CSMD1: variants seen among roughly 807,000 people sequenced by gnomAD.
CSMD1 encodes CUB and Sushi multiple domains 1, also known as CUB and sushi domain-containing protein 1.
In CSMD1, 213 loss-of-function variants were observed where a neutral mutation model predicts 417.5. The observed-to-expected ratio is 0.51, with a 90% confidence interval of 0.46 to 0.57. The LOEUF (loss-of-function observed/expected upper bound fraction) is 0.57. Ranked by LOEUF, CSMD1 falls within the 20% of genes least tolerant of loss-of-function variation. The pLI, the probability that CSMD1 is intolerant of heterozygous loss-of-function variation, is 0.00. For missense variants in CSMD1, 6,923 were observed against 4,529.7 expected (o/e 1.53, Z -15.17); for synonymous variants, 2,862 against 1,736.8 (o/e 1.65, Z -16.11).
At chr8:4,852,386 C>G (rs1209084891) in intron 1 of CSMD1, among the ~76,000 whole-genome samples, 2 of 151,658 alleles carry the variant, frequency 1.3e-5, no homozygotes, top group Non-Finnish European at 2.9e-5. Context: ...GGCTCCTCTC[C>G]TCTCTCTCTC....
At chr8:3,988,637 T>G (rs1814512865) in intron 5 of CSMD1, among the ~76,000 whole-genome samples, 1 of 152,204 alleles carries the variant, frequency 6.6e-6, no homozygotes, top group Non-Finnish European at 1.5e-5. Flanking sequence ...AATAGATAAA[T>G]ATGTACTTCG....
At chr8:3,531,075 G>A (rs1164740619) in intron 10 of CSMD1, among the ~76,000 whole-genome samples, 1 of 151,358 alleles carries the variant, frequency 6.6e-6, no homozygotes, top group Non-Finnish European at 1.5e-5. Context: ...TGGCCAGGCT[G>A]ATCTCAAACT....
intron 3 of CSMD1, among the ~76,000 whole-genome samples, chr8:4,302,933 A>G (rs1283235373): frequency 2.6e-4 from 40 of 152,074 alleles, no homozygotes; most frequent in Admixed American, 2.6e-3. Context: ...TTTCTGGAAA[A>G]TGCTGCTTCC....
rs745738253 is a variant in CSMD1 at position 3,108,730 on chromosome 8, G to T, written c.6627C>A (p.Asn2209Lys). 1.2e-6 allele frequency: 2 copies of T among 1,613,200 alleles called. No individual in the cohort carries two copies. The highest frequency in any genetic ancestry group is 1.7e-6 in the Non-Finnish European group (2 of 1,179,580). ...CACTGAAAACTCCCAGCTGGGGTGA[G>T]TTCTGATCGGGACCGTCCCTAGGAA... ...YIAVWDGPDQNSPQLGVFSGN... is the reference protein window; with the variant it reads ...YIAVWDGPDQKSPQLGVFSGN... The change falls in exon 44 of 70, where the codon AAC becomes AAA. Residue 2209 changes from asparagine to lysine, a missense_variant. Coordinates refer to ENST00000635120, the MANE Select transcript of CSMD1 (RefSeq NM_033225.6).
At chr8:2,953,853 C>T (rs1802816012) in intron 65 of CSMD1, among the ~76,000 whole-genome samples, 1 of 152,236 alleles carries the variant, frequency 6.6e-6, no homozygotes, top group Non-Finnish European at 1.5e-5. Context: ...GAAAATGCCT[C>T]ATTGATATGA....
chr8:3,070,435 T>A (rs1813256052), intron 49 of CSMD1, among the ~76,000 whole-genome samples: 1 of 152,248 alleles, frequency 6.6e-6, no homozygotes, highest in Admixed American at 6.5e-5. Context: ...ATAGGCTGTA[T>A]AAAGCAGCCA....
chr8:4,204,582 A>C (rs1241472219), intron 3 of CSMD1, among the ~76,000 whole-genome samples: 1 of 152,230 alleles, frequency 6.6e-6, no homozygotes, highest in Admixed American at 6.5e-5. Flanking sequence ...GGAAGATTCA[A>C]TCTGACAAAA....
At chr8:4,131,186 A>T (rs998461362) in intron 3 of CSMD1, among the ~76,000 whole-genome samples, 2 of 152,184 alleles carry the variant, frequency 1.3e-5, no homozygotes, top group African/African-American at 4.8e-5. Context: ...ACATCAAAAG[A>T]CTTCATAGTT....
At chr8:4,840,749 C>G (rs879250078) in intron 1 of CSMD1, among the ~76,000 whole-genome samples, 6 of 152,204 alleles carry the variant, frequency 3.9e-5, no homozygotes, top group Admixed American at 3.9e-4. Context: ...TTCTCTTTGC[C>G]CACTAATAGA....
At chr8:4,237,241 T>A (rs1262654409) in intron 3 of CSMD1, among the ~76,000 whole-genome samples, 1 of 152,212 alleles carries the variant, frequency 6.6e-6, no homozygotes, top group Admixed American at 6.5e-5. Flanking sequence ...GTAGACGTCC[T>A]GCCCTTTGGT....
intron 23 of CSMD1, among the ~76,000 whole-genome samples, chr8:3,342,761 G>C (rs761691727): frequency 1.4e-4 from 22 of 152,166 alleles, no homozygotes; most frequent in South Asian, 6.2e-4. Flanking sequence ...TCTCTGGCAA[G>C]TATTCAAAGT....
At chr8:3,550,190 AT>A (rs1798849833) in intron 10 of CSMD1, among the ~76,000 whole-genome samples, 1 of 152,180 alleles carries the variant, frequency 6.6e-6, no homozygotes, top group South Asian at 2.1e-4. Flanking sequence ...CGATTCTCCC[AT>A]ATGCAGCCCA....
At chr8:3,473,919 A>C (rs1211203944) in intron 11 of CSMD1, among the ~76,000 whole-genome samples, 3 of 152,170 alleles carry the variant, frequency 2.0e-5, no homozygotes, top group Non-Finnish European at 4.4e-5. Context: ...GGCACGTCTT[A>C]CATGGCAGGA....
intron 1 of CSMD1, among the ~76,000 whole-genome samples, chr8:4,855,695 G>A (rs907014299): frequency 3.9e-5 from 6 of 152,060 alleles, no homozygotes; most frequent in Non-Finnish European, 8.8e-5. Flanking sequence ...GAAATGAAGC[G>A]AGAAGGGAAG....
At chr8:3,469,706 A>G (rs1253449782) in intron 11 of CSMD1, among the ~76,000 whole-genome samples, 2 of 152,198 alleles carry the variant, frequency 1.3e-5, no homozygotes. Flanking sequence ...TGCCCCATCA[A>G]TCATATCATC....
intron 2 of CSMD1, among the ~76,000 whole-genome samples, chr8:4,532,087 T>C (rs112542165): frequency 2.0e-4 from 29 of 146,754 alleles, no homozygotes; most frequent in Non-Finnish European, 3.9e-4. Context: ...ACAGTCACTC[T>C]GGAAGAGAAA....
At chr8:3,878,147 G>C (rs954323802) in intron 5 of CSMD1, among the ~76,000 whole-genome samples, 2 of 151,808 alleles carry the variant, frequency 1.3e-5, no homozygotes, top group African/African-American at 4.8e-5. Flanking sequence ...TTTTGTCTTT[G>C]TACATTTTTT....
intron 1 of CSMD1, among the ~76,000 whole-genome samples, chr8:4,706,833 G>C (rs140176228): frequency 2.0e-5 from 3 of 152,172 alleles, no homozygotes; most frequent in Admixed American, 6.5e-5. Context: ...CAGTTGACCC[G>C]ATTGAGAGAA....
chr8:3,321,324 C>G (rs1806139831), intron 23 of CSMD1, among the ~76,000 whole-genome samples: 1 of 152,106 alleles, frequency 6.6e-6, no homozygotes, highest in Non-Finnish European at 1.5e-5. Flanking sequence ...TGCACCAGGG[C>G]TCATGATGCT....
Sources: gnomAD v4.1 joint callset for allele counts (sites outside exome capture counted in the v4.1 genomes callset) on GRCh38, gnomAD v4.1.1 for gene constraint, MANE v1.5 for transcripts, NCBI Gene and HGNC (gene_info 2026-07-23, HGNC 2026-07-21) for gene names.